OSBPL10: variants seen among roughly 807,000 people sequenced by gnomAD.
OSBPL10 encodes the protein oxysterol binding protein like 10, also known as oxysterol-binding protein-related protein 10.
OSBPL10 carries 49 observed loss-of-function variants against 81.7 expected under a neutral mutation model. The ratio of observed to expected loss-of-function variants is 0.60; its 90% CI spans 0.48 to 0.76. OSBPL10 has a LOEUF of 0.76. Among genes scored for constraint, OSBPL10 ranks in the 30% least tolerant of loss-of-function variants. OSBPL10 has a pLI of 0.00. For missense variants in OSBPL10, 923 were observed against 987.8 expected (o/e 0.93, Z 0.88); for synonymous variants, 419 against 383.6 (o/e 1.09, Z -1.08).
chr3:32,073,833 C>T (rs1272046066), intron 1 of OSBPL10, among the ~76,000 whole-genome samples: 5 of 152,164 alleles, frequency 3.3e-5, no homozygotes, highest in Non-Finnish European at 7.3e-5. Context: ...CCCAAACCGC[C>T]ACTCTTGACT....
chr3:31,989,740 C>T lies in OSBPL10; in HGVS notation n.298+56751G>A. The T allele has an allele frequency of 2.5e-6, 4 of 1,614,100 alleles. No individual in the cohort carries two copies. In the South Asian group the frequency reaches 3.3e-5, roughly 13 times the overall value. Reference sequence around the variant, plus strand: ...CCATTCATCATTACTCACACTAAAACAGGAAGTACACATAAGAGAAAAATC... The same window carrying T: ...CCATTCATCATTACTCACACTAAAATAGGAAGTACACATAAGAGAAAAATC... On this transcript the variant is annotated intron_variant and non_coding_transcript_variant, in intron 2 of 3. Coordinates refer to the OSBPL10 transcript ENST00000479173.
chr3:31,951,844 C>T (rs937518645), intron 1 of OSBPL10, among the ~76,000 whole-genome samples: 1 of 152,072 alleles, frequency 6.6e-6, no homozygotes, highest in African/African-American at 2.4e-5. Flanking sequence ...ACAAACTAAG[C>T]TTTTCATTAA....
intron 9 of OSBPL10, 80 bp from the exon 10 acceptor site, chr3:31,668,904 A>G: frequency 9.1e-7 from 1 of 1,097,408 alleles, no homozygotes; most frequent in Non-Finnish European, 1.2e-6. Context: ...ATCTCTAGAG[A>G]TTTTTTTTTT....
intron 1 of OSBPL10, among the ~76,000 whole-genome samples, chr3:31,968,246 T>A (rs1698457615): frequency 7.1e-6 from 1 of 140,980 alleles, no homozygotes; most frequent in Admixed American, 7.1e-5. Context: ...ATGTTGTCAA[T>A]CATGTCATTT....
chr3:31,820,721 A>G (rs1386361504), intron 4 of OSBPL10, among the ~76,000 whole-genome samples: 1 of 152,206 alleles, frequency 6.6e-6, no homozygotes. Flanking sequence ...AGCCGCTGTA[A>G]GTGTACAATG....
intron 4 of OSBPL10, among the ~76,000 whole-genome samples, chr3:31,824,834 G>A (rs1353775315): frequency 6.6e-6 from 1 of 152,102 alleles, no homozygotes; most frequent in East Asian, 1.9e-4. Context: ...CATCTCACTC[G>A]ATAAAACCTC....
At chr3:31,715,645 A>G (rs534987556) in intron 6 of OSBPL10, among the ~76,000 whole-genome samples, 3 of 152,370 alleles carry the variant, frequency 2.0e-5, no homozygotes, top group African/African-American at 2.4e-5. Context: ...TGAAGGAATA[A>G]TGTAGTTGGG....
chr3:31,733,480 G>A, intron 5 of OSBPL10, 69 bp from the exon 6 acceptor site: 17 of 1,587,916 alleles, frequency 1.1e-5, no homozygotes, highest in Non-Finnish European at 1.5e-5. Flanking sequence ...TGAAATATTT[G>A]TACTCACTGT....
At chr3:31,720,757 G>A (rs1275346472) in intron 6 of OSBPL10, among the ~76,000 whole-genome samples, 2 of 151,718 alleles carry the variant, frequency 1.3e-5, no homozygotes, top group Non-Finnish European at 2.9e-5. Context: ...AAAATTAGCC[G>A]GGCGTGGTGG....
At chr3:31,849,502 A>G (rs979548525) in intron 3 of OSBPL10, among the ~76,000 whole-genome samples, 2 of 152,198 alleles carry the variant, frequency 1.3e-5, no homozygotes, top group Admixed American at 6.5e-5. Flanking sequence ...TGTTTTAGAG[A>G]TAATTCTAGG....
intron 1 of OSBPL10, among the ~76,000 whole-genome samples, chr3:31,965,435 TAATA>T (rs1698301563): frequency 1.2e-5 from 1 of 84,448 alleles, no homozygotes; most frequent in African/African-American, 6.2e-5. Flanking sequence ...AGATAATATA[TAATA>T]TATATTATAT....
intron 6 of OSBPL10, among the ~76,000 whole-genome samples, chr3:31,727,254 G>A (rs750588584): frequency 4.6e-5 from 7 of 152,144 alleles, no homozygotes; most frequent in Non-Finnish European, 8.8e-5. Context: ...TGGGAGAAAG[G>A]AAGTCCACAT....
intron 4 of OSBPL10, among the ~76,000 whole-genome samples, chr3:31,780,206 T>C (rs1289633191): frequency 6.6e-6 from 1 of 151,976 alleles, no homozygotes; most frequent in African/African-American, 2.4e-5. Context: ...GGCAGGAGAA[T>C]GGCATGAACC....
In OSBPL10 at chr3:32,032,863, T is replaced by C. The variant is rs535618505; in HGVS notation, n.298+13628A>G. Among the ~76,000 whole-genome samples the C allele has an allele frequency of 2.0e-5, 3 of 152,316 alleles. No individual in the cohort carries two copies. In the South Asian group the frequency reaches 6.2e-4, roughly 32 times the overall value. On this transcript the variant is annotated intron_variant and non_coding_transcript_variant, in intron 2 of 3. Coordinates refer to the OSBPL10 transcript ENST00000479173. ...AGTTGGCTTACTCTCAAATGAACTC[T>C]CCATTAATATGGAATTTTATAAAAT...
At chr3:31,873,139 AT>A (rs1265862469) in intron 3 of OSBPL10, among the ~76,000 whole-genome samples, 1 of 152,166 alleles carries the variant, frequency 6.6e-6, no homozygotes, top group African/African-American at 2.4e-5. Flanking sequence ...TCGACTCTAT[AT>A]ATTTGTCAAA....
intron 4 of OSBPL10, among the ~76,000 whole-genome samples, chr3:31,763,505 T>C (rs896716682): frequency 1.3e-5 from 2 of 152,220 alleles, no homozygotes; most frequent in African/African-American, 2.4e-5. Context: ...GAAATTCTTT[T>C]ATTTTGCAAG....
Position 32,029,312 on chromosome 3 carries a change from T to A in OSBPL10, n.298+17179A>T, listed in dbSNP as rs145840647. On this transcript the variant is annotated intron_variant and non_coding_transcript_variant, in intron 2 of 3. Coordinates refer to the OSBPL10 transcript ENST00000479173. The stretch of plus-strand genomic sequence containing the variant: ...TTCCTGTTCTAAGGCTTTTTAATTT[T>A]ATTTTATTATTATTATACTCTAAGT... 3.5e-3 allele frequency among the ~76,000 whole-genome samples: 527 copies of A among 152,298 alleles called. 13 individuals carry two copies. The East Asian group carries it at 0.041, about 12-fold the overall frequency.
chr3:31,978,381 C>T (rs1241963317), intron 1 of OSBPL10, among the ~76,000 whole-genome samples: 2 of 152,286 alleles, frequency 1.3e-5, no homozygotes, highest in East Asian at 3.9e-4. Flanking sequence ...GTTCCTGCCA[C>T]ATAGTAGGTG....
intron 2 of OSBPL10, chr3:32,030,543 G>A: frequency 1.3e-6 from 1 of 760,914 alleles, no homozygotes; most frequent in Admixed American, 1.8e-5. Flanking sequence ...ATCAGAAAAA[G>A]AAAGAAGCCA....
Sources: gnomAD v4.1 joint callset for allele counts (sites outside exome capture counted in the v4.1 genomes callset) on GRCh38, gnomAD v4.1.1 for gene constraint, MANE v1.5 for transcripts, NCBI Gene and HGNC (gene_info 2026-07-23, HGNC 2026-07-21) for gene names.